The following BCAS3 variants were observed in gnomAD, a reference collection of about 807,000 sequenced individuals.
BCAS3 encodes BCAS3 microtubule associated cell migration factor, also known as BCAS4/BCAS3 fusion.
A neutral mutation model predicts 116.1 loss-of-function variants in BCAS3; 53 were observed. The observed-to-expected ratio is 0.46, with a 90% CI of 0.37 to 0.57. The LOEUF (loss-of-function observed/expected upper bound fraction) is 0.57. Ranked by LOEUF, BCAS3 falls within the 20% of genes least tolerant of loss-of-function variation. BCAS3 has a pLI of 0.00. For synonymous variants in BCAS3, 391 were observed against 408.2 expected (o/e 0.96, Z 0.51); for missense variants, 917 against 1,165.4 (o/e 0.79, Z 3.10).
intron 22 of BCAS3, among the ~76,000 whole-genome samples, chr17:61,312,055 C>T (rs2054355877): frequency 6.6e-6 from 1 of 152,196 alleles, no homozygotes; most frequent in Non-Finnish European, 1.5e-5. Flanking sequence ...CTATTAGAAA[C>T]AAAACAGGAG....
rs958353648 is a variant in BCAS3 at position 61,097,522 on chromosome 17, A to G, written c.2425+12958A>G. 3.9e-5 allele frequency among the ~76,000 whole-genome samples: 6 copies of G among 152,200 alleles called. No homozygotes were observed. The highest frequency in any genetic ancestry group is 7.4e-5 in the Non-Finnish European group (5 of 68,026). On this transcript the variant is annotated intron_variant, in intron 22 of 23. Transcript: ENST00000407086. This position sits in a 1 kb window ranked among gnomAD's most constrained non-coding sequence, Gnocchi z 4.0. ...GATGGTTTGGACTTTTGATAAAAAG[A>G]GAAATTGGAAAAGTAGCAGGGTGAT... is the stretch of plus-strand genomic sequence containing the variant.
At chr17:60,971,941 C>G (rs543993932) in intron 14 of BCAS3, among the ~76,000 whole-genome samples, 2 of 152,278 alleles carry the variant, frequency 1.3e-5, no homozygotes, top group Non-Finnish European at 2.9e-5. Flanking sequence ...AGGGAGTGTA[C>G]TTGGTGGCTG....
At chr17:60,875,785 C>G (rs2055548677) in intron 9 of BCAS3, among the ~76,000 whole-genome samples, 1 of 151,820 alleles carries the variant, frequency 6.6e-6, no homozygotes, top group South Asian at 2.1e-4. Context: ...ACAGACATGC[C>G]ATTTCTTTTC....
intron 22 of BCAS3, among the ~76,000 whole-genome samples, chr17:61,246,055 C>T (rs2047919786): frequency 6.6e-6 from 1 of 152,196 alleles, no homozygotes; most frequent in Non-Finnish European, 1.5e-5. Flanking sequence ...TGCCTTCTAA[C>T]ACCCAGATTT....
intron 14 of BCAS3, among the ~76,000 whole-genome samples, chr17:60,980,212 G>A (rs549525218): frequency 3.3e-5 from 5 of 152,074 alleles, no homozygotes; most frequent in South Asian, 2.1e-4. Flanking sequence ...ACTTCTGGGC[G>A]GAAGCACTTT....
In BCAS3 at chr17:60,976,659, T is replaced by G. The variant is rs1449703116; in HGVS notation, c.1222-13312T>G. Among the ~76,000 whole-genome samples the G allele has an allele frequency of 2.6e-5, 4 of 152,116 alleles. No individual in the cohort carries two copies. In the East Asian group the frequency reaches 7.7e-4, roughly 29 times the overall value. On this transcript the variant is annotated intron_variant, in intron 14 of 23. Coordinates refer to ENST00000407086, the MANE Select transcript of BCAS3 (RefSeq NM_017679.5). The stretch of plus-strand genomic sequence containing the variant: ...GATGACTCTTAAGGAGTATGCTGCC[T>G]TCAAGCATCTGTTTAACAGAGCACA...
intron 4 of BCAS3, among the ~76,000 whole-genome samples, chr17:60,703,845 C>T (rs1275449738): frequency 3.4e-5 from 5 of 148,000 alleles, no homozygotes; most frequent in African/African-American, 5.1e-5. Context: ...ACCCGAGAGG[C>T]GGAGCTTGTA....
rs146618246 is a variant in BCAS3 at position 60,721,122 on chromosome 17, G to T, written c.321+11797G>T. Among the ~76,000 whole-genome samples the T allele has an allele frequency of 7.3e-3, 1,117 of 152,184 alleles. 22 individuals are homozygous for T. The highest frequency in any genetic ancestry group is 0.026 in the African/African-American group (1,061 of 41,508). On this transcript the variant is annotated intron_variant, in intron 5 of 23. Transcript: ENST00000407086. ...TAGAGGTTGGGTGCCAATAGACCTT[G>T]CCATGTTAAGATTGTTAGCCAGGAA...
intron 16 of BCAS3, among the ~76,000 whole-genome samples, chr17:61,022,490 T>A (rs2065947596): frequency 6.6e-6 from 1 of 152,110 alleles, no homozygotes; most frequent in Non-Finnish European, 1.5e-5. Context: ...GTGATCCACC[T>A]GCCTCCACCT....
At chr17:60,787,910 A>T (rs1317006030) in intron 6 of BCAS3, among the ~76,000 whole-genome samples, 1 of 151,900 alleles carries the variant, frequency 6.6e-6, no homozygotes, top group Non-Finnish European at 1.5e-5. Flanking sequence ...AAGGACATGA[A>T]TAGTACCTTT....
At chr17:60,823,622 G>A (rs1255202599) in intron 7 of BCAS3, among the ~76,000 whole-genome samples, 1 of 152,156 alleles carries the variant, frequency 6.6e-6, no homozygotes, top group Admixed American at 6.5e-5. Context: ...AATGGATGTA[G>A]AATAAGAGAA....
At chr17:60,752,542 G>C (rs914528173) in intron 6 of BCAS3, among the ~76,000 whole-genome samples, 5 of 151,852 alleles carry the variant, frequency 3.3e-5, no homozygotes, top group Admixed American at 1.3e-4. Context: ...TCCTGCCTCA[G>C]CCTCCCGAGT....
At chr17:61,042,912 A>AAAAAAAAAAAAG (rs1555682974) in intron 19 of BCAS3, among the ~76,000 whole-genome samples, 2 of 143,704 alleles carry the variant, frequency 1.4e-5, no homozygotes, top group African/African-American at 5.4e-5. Context: ...AAAAAAAAAA[A>AAAAAAAAAAAAG]AAAGAAAGAA....
chr17:60,941,160 A>C (rs917778734), intron 13 of BCAS3, among the ~76,000 whole-genome samples: 3 of 152,188 alleles, frequency 2.0e-5, no homozygotes, highest in African/African-American at 7.2e-5. Flanking sequence ...TTCCAGATAA[A>C]CATACAGAAG....
In BCAS3 at chr17:61,034,849, A is replaced by T; in HGVS notation, c.1762+59A>T. On this transcript the variant is annotated intron_variant, in intron 17 of 23. Transcript: ENST00000407086. The surrounding 1 kb of genome is among the most constrained non-coding windows in gnomAD (Gnocchi z 5.0). ...TTGTAATTTTTGCTTCTTAAGGAAAATTTTTAGCAGTTTCCCTAGAATAAT... is the reference window on the plus strand; with the variant it reads ...TTGTAATTTTTGCTTCTTAAGGAAATTTTTTAGCAGTTTCCCTAGAATAAT... The T allele has an allele frequency of 1.3e-6, 2 of 1,512,728 alleles. No individual in the cohort carries two copies. Among genetic ancestry groups the T allele is most frequent in the Non-Finnish European group, 8.9e-7 (1 of 1,117,694 alleles). 93.7% of individuals were successfully genotyped at this position (1,512,728 alleles called of 1,614,324 possible).
chr17:60,737,493 A>C (rs1368668278), intron 5 of BCAS3, among the ~76,000 whole-genome samples: 1 of 151,832 alleles, frequency 6.6e-6, no homozygotes, highest in African/African-American at 2.4e-5. Context: ...TTAGATTTTT[A>C]ATTTTAGATC....
At chr17:61,237,183 A>G (rs191502041) in intron 22 of BCAS3, among the ~76,000 whole-genome samples, 105 of 152,296 alleles carry the variant, frequency 6.9e-4, no homozygotes, top group African/African-American at 2.4e-3. Context: ...AAACACACCA[A>G]TCAGCACTCT....
rs2054786351 is a variant in BCAS3, at chr17:61,316,823, T to C, written c.2426-51504T>C. On this transcript the variant is annotated intron_variant, in intron 22 of 23. Coordinates refer to ENST00000407086, the MANE Select transcript of BCAS3 (RefSeq NM_017679.5). This position sits in a 1 kb window ranked among gnomAD's most constrained non-coding sequence, Gnocchi z 5.8. The stretch of plus-strand genomic sequence containing the variant: ...GTCATGTACAATAATTCCTGCCATG[T>C]AGGTTTATTAAATTAACAGTTGCAA... Among the ~76,000 whole-genome samples, 1 of 152,198 alleles carries C rather than the reference T, an allele frequency of 6.6e-6. No individual in the cohort carries two copies. The highest frequency in any genetic ancestry group is 1.5e-5 in the Non-Finnish European group (1 of 68,026).
intron 6 of BCAS3, among the ~76,000 whole-genome samples, chr17:60,779,049 C>A (rs1055635475): frequency 1.3e-5 from 2 of 152,130 alleles, no homozygotes; most frequent in African/African-American, 4.8e-5. Context: ...TGTCTTAATG[C>A]AGCCTTGCTT....
Sources: gnomAD v4.1 joint callset for allele counts (sites outside exome capture counted in the v4.1 genomes callset) on GRCh38, gnomAD v4.1.1 for gene constraint, Gnocchi (gnomAD v3.1) non-coding constraint, MANE v1.5 for transcripts, NCBI Gene and HGNC (gene_info 2026-07-23, HGNC 2026-07-21) for gene names.